PAM: variants seen among roughly 807,000 people sequenced by gnomAD.
PAM encodes peptidylglycine alpha-amidating monooxygenase, also known as peptidyl-glycine alpha-amidating monooxygenase.
In PAM, 72 loss-of-function variants were observed where a neutral mutation model predicts 122.1. That is an observed-to-expected ratio of 0.59 (90% CI 0.49 to 0.72). The LOEUF (loss-of-function observed/expected upper bound fraction) is 0.72, where lower values mean the gene tolerates loss of function less well. Among genes scored for constraint, PAM ranks in the 30% least tolerant of loss-of-function variants. PAM has a pLI of 0.00. For synonymous variants in PAM, 389 were observed against 404.4 expected, an observed-to-expected ratio of 0.96 and a Z score of 0.46; for missense variants, 1,106 against 1,183.7, an observed-to-expected ratio of 0.93 and a Z score of 0.96.
chr5:103,007,797 T>C (rs1177980950), intron 20 of PAM, 140 bp downstream of exon 20: 1 of 617,720 alleles, frequency 1.6e-6, no homozygotes, highest in Non-Finnish European at 2.8e-6. Flanking sequence ...ACTGTTAGTG[T>C]GTTCTAACTC....
At chr5:102,964,710 A>T (rs1763519137) in intron 14 of PAM, among the ~76,000 whole-genome samples, 1 of 151,552 alleles carries the variant, frequency 6.6e-6, no homozygotes. Flanking sequence ...AATATATATT[A>T]TGCATATATT....
At chr5:102,945,204 C>G (rs1006037871) in intron 7 of PAM, among the ~76,000 whole-genome samples, 1 of 151,924 alleles carries the variant, frequency 6.6e-6, no homozygotes, top group Non-Finnish European at 1.5e-5. Context: ...TAGTGCTAAT[C>G]TATTGAGTAT....
At chr5:102,951,426 A>G (rs1758849878) in intron 12 of PAM, among the ~76,000 whole-genome samples, 1 of 152,118 alleles carries the variant, frequency 6.6e-6, no homozygotes, top group Non-Finnish European at 1.5e-5. Flanking sequence ...TAAATGAAAA[A>G]TGAAAGGTAG....
chr5:102,950,887 G>A (rs1758646418), intron 12 of PAM, 67 bp downstream of exon 12: 1 of 901,790 alleles, frequency 1.1e-6, no homozygotes, highest in South Asian at 1.5e-5. Flanking sequence ...ACAGGTGACA[G>A]CTATCTTTGT....
Position 102,970,451 on chromosome 5 carries a change from C to A in PAM, c.1163-3665C>A, listed in dbSNP as rs78193150. Among the ~76,000 whole-genome samples the A allele has an allele frequency of 6.0e-3, 906 of 152,130 alleles. 6 individuals are homozygous for A. The highest frequency in any genetic ancestry group is 0.021 in the African/African-American group (864 of 41,494). On this transcript the variant is annotated intron_variant, in intron 14 of 25. Transcript: ENST00000438793. ...TAAAGGAAGAGAGAAGATGGAAAAG[C>A]CTGAAGGATATGTTATGTTAGAGGA...
chr5:102,961,068 T>A, intron 13 of PAM, 90 bp from the exon 14 acceptor site: 1 of 701,454 alleles, frequency 1.4e-6, no homozygotes, highest in South Asian at 1.6e-5. Context: ...CTGAATAGTA[T>A]TTTTATGTTG....
chr5:102,763,929 C>T lies in PAM; in HGVS notation c.-374+8581C>T, dbSNP rs550523857. Among the ~76,000 whole-genome samples, 112 of 152,010 alleles carry T rather than the reference C, an allele frequency of 7.4e-4. 3 individuals are homozygous for T. In the South Asian group the frequency reaches 0.021, roughly 29 times the overall value. Reference sequence around the variant, plus strand: ...GTTTTGGTAAGATCATCTGTGGGGGCGTGAGTTGGATTGGGGTGTGCATGT... The same window carrying T: ...GTTTTGGTAAGATCATCTGTGGGGGTGTGAGTTGGATTGGGGTGTGCATGT... On this transcript the variant is annotated intron_variant, in intron 1 of 25. Coordinates refer to ENST00000438793, the MANE Select transcript of PAM (RefSeq NM_001177306.2).
intron 1 of PAM, among the ~76,000 whole-genome samples, chr5:102,849,080 G>T (rs992992744): frequency 6.6e-6 from 1 of 152,016 alleles, no homozygotes; most frequent in Non-Finnish European, 1.5e-5. Context: ...AATCAGAATG[G>T]CACCTGAATT....
chr5:102,790,191 A>G (rs1761691333), intron 1 of PAM, among the ~76,000 whole-genome samples: 1 of 152,156 alleles, frequency 6.6e-6, no homozygotes, highest in Non-Finnish European at 1.5e-5. Context: ...GTGAACAGAT[A>G]GAAAACACAG....
chr5:102,969,084 G>T (rs1764991715), intron 14 of PAM, among the ~76,000 whole-genome samples: 1 of 151,828 alleles, frequency 6.6e-6, no homozygotes, highest in African/African-American at 2.4e-5. Flanking sequence ...ACCAGTGCCT[G>T]TCGGGGGGTA....
chr5:102,875,556 A>G lies in PAM; in HGVS notation c.210+8163A>G, dbSNP rs34519799. 3.4e-3 allele frequency among the ~76,000 whole-genome samples: 512 copies of G among 152,290 alleles called. 2 individuals are homozygous for G. The highest frequency in any genetic ancestry group is 0.015 in the South Asian group (74 of 4,824). ...TAATGCATATGTAGAAAGACATGCT[A>G]CTAATCTGAATTCTGGCAAGATATT... is the stretch of plus-strand genomic sequence containing the variant. On this transcript the variant is annotated intron_variant, in intron 3 of 25. Coordinates refer to ENST00000438793, the MANE Select transcript of PAM (RefSeq NM_001177306.2).
intron 3 of PAM, among the ~76,000 whole-genome samples, chr5:102,878,262 T>C (rs1200976059): frequency 6.6e-6 from 1 of 152,166 alleles, no homozygotes; most frequent in Non-Finnish European, 1.5e-5. Flanking sequence ...CTGAAGATTA[T>C]AATGGAGCTG....
intron 1 of PAM, among the ~76,000 whole-genome samples, chr5:102,861,200 A>G (rs544743315): frequency 6.6e-6 from 1 of 152,352 alleles, no homozygotes; most frequent in African/African-American, 2.4e-5. Flanking sequence ...GTTCTGGTTC[A>G]CATCTAAACT....
chr5:102,995,200 A>G (rs922461980), intron 16 of PAM, among the ~76,000 whole-genome samples: 5 of 152,154 alleles, frequency 3.3e-5, no homozygotes, highest in Non-Finnish European at 5.9e-5. Context: ...ACAGAACTCA[A>G]AAGTGTCTGT....
intron 15 of PAM, among the ~76,000 whole-genome samples, chr5:102,983,135 T>C (rs567731716): frequency 1.3e-5 from 2 of 152,012 alleles, no homozygotes; most frequent in South Asian, 2.1e-4. Context: ...TTTCTGAATA[T>C]GAAGACATCT....
intron 17 of PAM, 41 bp from the exon 18 acceptor site, chr5:103,005,113 A>G (rs1778560610): frequency 8.6e-7 from 1 of 1,167,538 alleles, no homozygotes; most frequent in Non-Finnish European, 1.3e-6. Context: ...ATATGCCTTG[A>G]GAGTAAATGT....
At chr5:102,936,303 C>T (rs1158345328) in intron 7 of PAM, among the ~76,000 whole-genome samples, 1 of 151,986 alleles carries the variant, frequency 6.6e-6, no homozygotes, top group East Asian at 1.9e-4. Context: ...TATTATTTTG[C>T]TGGTTGTCTA....
Position 102,867,396 on chromosome 5 carries a change from G to A in PAM, c.210+3G>A. On this transcript the variant is annotated splice_donor_region_variant and intron_variant, in intron 3 of 25. Coordinates refer to ENST00000438793, the MANE Select transcript of PAM (RefSeq NM_001177306.2). ...TGCCTGGGGTTACACCTAAACAGGT[G>A]AGAGGAATTTTGTCTTTCATTATTC... 1 of 1,605,026 alleles carries A rather than the reference G, an allele frequency of 6.2e-7. No individual in the cohort carries two copies. Among genetic ancestry groups the A allele is most frequent in the Non-Finnish European group, 8.5e-7 (1 of 1,173,396 alleles).
chr5:103,025,129 A>G lies in PAM; in HGVS notation c.2486-2A>G, dbSNP rs1372915776. On this transcript the variant is annotated splice_acceptor_variant, in intron 23 of 25. Transcript: ENST00000438793. LOFTEE classifies it high-confidence loss of function. ...ATATTGTGAACTCTTCTTTCCCTGAAGAAGCCGAGGCAGTTGTTGAAACCA... is the reference window on the plus strand; with the variant it reads ...ATATTGTGAACTCTTCTTTCCCTGAGGAAGCCGAGGCAGTTGTTGAAACCA... 19 of 1,609,762 alleles carry G rather than the reference A, an allele frequency of 1.2e-5. No individual in the cohort carries two copies. Among genetic ancestry groups the G allele is most frequent in the Non-Finnish European group, 1.6e-5 (19 of 1,176,240 alleles).
Sources: allele counts gnomAD v4.1 joint callset (sites outside exome capture counted in the v4.1 genomes callset), GRCh38; gene constraint gnomAD v4.1.1; transcripts MANE v1.5; gene names NCBI Gene and HGNC (gene_info 2026-07-23, HGNC 2026-07-21).